LRMDA: variants seen among roughly 807,000 people sequenced by gnomAD.
LRMDA encodes leucine rich melanocyte differentiation associated.
LRMDA carries 18 observed loss-of-function variants against 29.8 expected under a neutral mutation model. That is an observed-to-expected ratio of 0.60 (90% CI 0.42 to 0.90). The LOEUF (loss-of-function observed/expected upper bound fraction) is 0.90. Among genes scored for constraint, LRMDA ranks in the 40% least tolerant of loss-of-function variants. The pLI, the probability that LRMDA is intolerant of heterozygous loss-of-function variation, is 0.00. For missense variants in LRMDA, 273 were observed against 273.9 expected (o/e 1.00, Z 0.02); for synonymous variants, 125 against 109.4 (o/e 1.14, Z -0.89).
intron 2 of LRMDA, among the ~76,000 whole-genome samples, chr10:75,908,719 A>G (rs1218116256): frequency 1.3e-5 from 2 of 152,022 alleles, no homozygotes; most frequent in Non-Finnish European, 2.9e-5. Context: ...TCCTATCCCC[A>G]TCTTGCTCCA....
intron 5 of LRMDA, among the ~76,000 whole-genome samples, chr10:76,201,337 C>T (rs943456506): frequency 1.3e-5 from 2 of 152,084 alleles, no homozygotes; most frequent in African/African-American, 4.8e-5. Flanking sequence ...TCATGATCCG[C>T]CTGTCTTGGC....
chr10:75,530,744 A>T (rs753877327), intron 2 of LRMDA, among the ~76,000 whole-genome samples: 3 of 152,126 alleles, frequency 2.0e-5, no homozygotes, highest in Non-Finnish European at 4.4e-5. Context: ...TGAAACAAAG[A>T]GTTGACATTC....
chr10:76,297,346 A>C (rs889918850), intron 5 of LRMDA, among the ~76,000 whole-genome samples: 1 of 152,180 alleles, frequency 6.6e-6, no homozygotes, highest in Non-Finnish European at 1.5e-5. Flanking sequence ...GAAGGAGCTA[A>C]ATGGTTATCA....
chr10:76,090,417 C>T (rs1024050534), intron 5 of LRMDA, among the ~76,000 whole-genome samples: 1 of 152,042 alleles, frequency 6.6e-6, no homozygotes, highest in Non-Finnish European at 1.5e-5. Flanking sequence ...AAATTAGAAC[C>T]CTCGTGTGCT....
chr10:76,101,651 A>G (rs1251804711), intron 5 of LRMDA, among the ~76,000 whole-genome samples: 1 of 152,042 alleles, frequency 6.6e-6, no homozygotes, highest in Non-Finnish European at 1.5e-5. Context: ...CAGGAGAATC[A>G]CTTGAACCCG....
At chr10:75,861,638 G>GA (rs917363305) in intron 2 of LRMDA, among the ~76,000 whole-genome samples, 2 of 151,204 alleles carry the variant, frequency 1.3e-5, no homozygotes, top group African/African-American at 4.9e-5. Context: ...ACTAGAACAA[G>GA]AAAAAAAAAG....
At chr10:76,378,996 A>G (rs887102471) in intron 6 of LRMDA, among the ~76,000 whole-genome samples, 10 of 150,840 alleles carry the variant, frequency 6.6e-5, no homozygotes, top group Non-Finnish European at 1.3e-4. Flanking sequence ...AGCTGGTATT[A>G]CAGGCATGCG....
At chr10:76,170,555 G>A (rs944393295) in intron 5 of LRMDA, among the ~76,000 whole-genome samples, 2 of 152,148 alleles carry the variant, frequency 1.3e-5, no homozygotes, top group African/African-American at 2.4e-5. Context: ...TTTCTCATAC[G>A]TAAAGCAGAG....
intron 6 of LRMDA, among the ~76,000 whole-genome samples, chr10:76,380,706 A>G (rs1003944357): frequency 2.1e-4 from 32 of 151,130 alleles, no homozygotes; most frequent in African/African-American, 7.8e-4. Flanking sequence ...AATATACATA[A>G]TATAGCCTAT....
chr10:75,545,700 A>G (rs1311647728), intron 2 of LRMDA, among the ~76,000 whole-genome samples: 1 of 152,168 alleles, frequency 6.6e-6, no homozygotes, highest in East Asian at 1.9e-4. Context: ...AGCTGGTAAG[A>G]GTCAAAGTTG....
At chr10:76,429,528 A>G (rs1309700394) in intron 6 of LRMDA, among the ~76,000 whole-genome samples, 1 of 152,164 alleles carries the variant, frequency 6.6e-6, no homozygotes, top group Non-Finnish European at 1.5e-5. Flanking sequence ...GGCGCGTACA[A>G]GCGAGGATGG....
chr10:75,999,214 C>A (rs1847520970), intron 2 of LRMDA, among the ~76,000 whole-genome samples: 1 of 152,150 alleles, frequency 6.6e-6, no homozygotes, highest in African/African-American at 2.4e-5. Flanking sequence ...CAGGAAGGGG[C>A]CTGACAATTT....
At chr10:76,157,724 A>G (rs1850564665) in intron 5 of LRMDA, among the ~76,000 whole-genome samples, 1 of 152,014 alleles carries the variant, frequency 6.6e-6, no homozygotes, top group Non-Finnish European at 1.5e-5. Flanking sequence ...AAAAAAAATT[A>G]TGTGTATGTG....
chr10:75,784,622 C>A (rs1301168805), intron 2 of LRMDA, among the ~76,000 whole-genome samples: 2 of 151,562 alleles, frequency 1.3e-5, no homozygotes, highest in Non-Finnish European at 2.9e-5. Flanking sequence ...TGGCGTGAAC[C>A]CGGGAGGCGG....
intron 5 of LRMDA, among the ~76,000 whole-genome samples, chr10:76,088,638 C>T (rs1338912255): frequency 2.0e-5 from 3 of 152,126 alleles, no homozygotes; most frequent in Admixed American, 2.0e-4. Flanking sequence ...TGTTAATGGC[C>T]AGCCCATTCC....
chr10:76,371,424 T>C (rs939598716), intron 6 of LRMDA, among the ~76,000 whole-genome samples: 3 of 152,132 alleles, frequency 2.0e-5, no homozygotes, highest in Non-Finnish European at 4.4e-5. Context: ...TATTTTTTTT[T>C]CTCACAACTG....
intron 6 of LRMDA, among the ~76,000 whole-genome samples, chr10:76,518,835 T>TG (rs1464906001): frequency 6.6e-6 from 1 of 152,198 alleles, no homozygotes; most frequent in Non-Finnish European, 1.5e-5. Flanking sequence ...TTAATGGACA[T>TG]ATGTAGAACT....
intron 6 of LRMDA, among the ~76,000 whole-genome samples, chr10:76,369,330 C>T (rs1284203799): frequency 6.6e-6 from 1 of 152,104 alleles, no homozygotes; most frequent in African/African-American, 2.4e-5. Flanking sequence ...GTTCTCTCAG[C>T]ATTTGTTTGA....
At chr10:76,148,454 A>G (rs746864961) in intron 5 of LRMDA, among the ~76,000 whole-genome samples, 2 of 152,174 alleles carry the variant, frequency 1.3e-5, no homozygotes, top group Non-Finnish European at 2.9e-5. Context: ...CTGTGCTAGC[A>G]ATGAGCGACA....
Sources: gnomAD v4.1 joint callset for allele counts (sites outside exome capture counted in the v4.1 genomes callset) on GRCh38, gnomAD v4.1.1 for gene constraint, MANE v1.5 for transcripts, NCBI Gene and HGNC (gene_info 2026-07-23, HGNC 2026-07-21) for gene names.